The following STXBP5L variants were observed in gnomAD, a reference collection of about 807,000 sequenced individuals.
The protein encoded by STXBP5L is syntaxin binding protein 5L, also known as syntaxin-binding protein 5-like.
In STXBP5L, 65 loss-of-function variants were observed where a neutral mutation model predicts 144.5. The observed-to-expected ratio is 0.45, with a 90% CI of 0.37 to 0.55. STXBP5L has a LOEUF of 0.55. Ranked by LOEUF, STXBP5L falls within the 20% of genes least tolerant of loss-of-function variation. The pLI is 0.00. For missense variants in STXBP5L, 1,298 were observed against 1,405.5 expected (o/e 0.92, Z 1.22); for synonymous variants, 505 against 469.6 (o/e 1.08, Z -0.97).
intron 9 of STXBP5L, among the ~76,000 whole-genome samples, chr3:121,175,375 T>A (rs1200480214): frequency 6.6e-6 from 1 of 152,122 alleles, no homozygotes; most frequent in Non-Finnish European, 1.5e-5. Context: ...GAAAAAAATA[T>A]GTTCATCTCC....
intron 11 of STXBP5L, among the ~76,000 whole-genome samples, chr3:121,226,156 C>A (rs555240563): frequency 6.6e-6 from 1 of 152,300 alleles, no homozygotes; most frequent in East Asian, 1.9e-4. Flanking sequence ...AGGTTGTGAG[C>A]TATCCCAAGG....
intron 20 of STXBP5L, among the ~76,000 whole-genome samples, chr3:121,365,705 A>G (rs913697626): frequency 2.0e-5 from 3 of 147,880 alleles, no homozygotes; most frequent in Non-Finnish European, 3.0e-5. Context: ...AATTTTGTTG[A>G]TTTTCTGAAG....
intron 19 of STXBP5L, among the ~76,000 whole-genome samples, chr3:121,302,280 A>G (rs994933091): frequency 3.3e-5 from 5 of 152,112 alleles, no homozygotes; most frequent in African/African-American, 4.8e-5. Flanking sequence ...AGGAGGGTGT[A>G]TGTGTTGAGG....
At chr3:121,198,576 G>A (rs988104245) in intron 9 of STXBP5L, among the ~76,000 whole-genome samples, 2 of 152,166 alleles carry the variant, frequency 1.3e-5, no homozygotes, top group African/African-American at 4.8e-5. Flanking sequence ...TGTCCTGAAT[G>A]GTATTGCCTA....
At chr3:120,985,009 C>T (rs1942161521) in intron 3 of STXBP5L, among the ~76,000 whole-genome samples, 2 of 151,994 alleles carry the variant, frequency 1.3e-5, no homozygotes, top group African/African-American at 2.4e-5. Context: ...AGGAATAAAT[C>T]CCACTTGGTC....
chr3:121,309,105 C>CATGAG (rs1453433596), intron 19 of STXBP5L, among the ~76,000 whole-genome samples: 1 of 151,618 alleles, frequency 6.6e-6, no homozygotes, highest in Non-Finnish European at 1.5e-5. Flanking sequence ...CAAAAAAAAA[C>CATGAG]ATGAGACAGA....
intron 19 of STXBP5L, among the ~76,000 whole-genome samples, chr3:121,297,000 C>T (rs75598164): frequency 0.016 from 2,364 of 152,094 alleles, 24 homozygotes; most frequent in Middle Eastern, 0.037. Context: ...AAACAGCATC[C>T]CAACTGTGTC....
At chr3:121,071,325 C>T (rs183302246) in intron 5 of STXBP5L, among the ~76,000 whole-genome samples, 1 of 152,342 alleles carries the variant, frequency 6.6e-6, no homozygotes, top group African/African-American at 2.4e-5. Flanking sequence ...CTTCCTTAGG[C>T]TTTGGCCATG....
At chr3:121,004,175 C>T (rs1038584283) in intron 3 of STXBP5L, among the ~76,000 whole-genome samples, 1 of 152,138 alleles carries the variant, frequency 6.6e-6, no homozygotes, top group African/African-American at 2.4e-5. Flanking sequence ...ATTCTTCCTA[C>T]CCATGATCAT....
In STXBP5L at chr3:121,045,457, C is replaced by T. The variant is rs1347085003; in HGVS notation, c.392C>T (p.Ser131Leu). The change falls in exon 5 of 27, where the codon TCA (serine) becomes TTA (leucine). Residue 131 changes from serine (S) to leucine (L), a missense_variant. Transcript: ENST00000471454. ...TAGGGTGCCTTGGTCAGTGCAAGTT[C>T]AGATGATACACTTCATTTGTGGAAC... Reference protein sequence around the residue: ...INEGALVSASSDDTLHLWNLR... With the variant: ...INEGALVSASLDDTLHLWNLR... 1 of 1,612,874 alleles carries T rather than the reference C, an allele frequency of 6.2e-7. No homozygotes were observed. The highest frequency in any genetic ancestry group is 8.5e-7 in the Non-Finnish European group (1 of 1,179,342).
At chr3:121,302,621 T>C (rs1429017513) in intron 19 of STXBP5L, among the ~76,000 whole-genome samples, 11 of 152,150 alleles carry the variant, frequency 7.2e-5, no homozygotes, top group Admixed American at 2.6e-4. Flanking sequence ...CTCTTGTTCT[T>C]TTAATTGTGA....
At chr3:120,944,958 T>C (rs976371615) in intron 2 of STXBP5L, among the ~76,000 whole-genome samples, 1 of 151,886 alleles carries the variant, frequency 6.6e-6, no homozygotes, top group Non-Finnish European at 1.5e-5. Flanking sequence ...TTGGCTGTTA[T>C]TGAAAACAAG....
intron 5 of STXBP5L, among the ~76,000 whole-genome samples, chr3:121,085,067 G>GT (rs1018468340): frequency 1.3e-5 from 2 of 151,882 alleles, no homozygotes; most frequent in Non-Finnish European, 2.9e-5. Context: ...GGGGTTGATG[G>GT]TTTTTTTCTT....
At chr3:121,241,987 G>GT (rs1351696789) in intron 14 of STXBP5L, among the ~76,000 whole-genome samples, 2 of 152,088 alleles carry the variant, frequency 1.3e-5, no homozygotes, top group African/African-American at 2.4e-5. Flanking sequence ...AAAATGAGTA[G>GT]TTTTCAAGTA....
intron 3 of STXBP5L, among the ~76,000 whole-genome samples, chr3:120,982,132 C>G (rs907171202): frequency 1.3e-5 from 2 of 152,138 alleles, no homozygotes; most frequent in Non-Finnish European, 2.9e-5. Flanking sequence ...AGTTCAACCC[C>G]CAAGCTAGTA....
chr3:121,182,005 G>C (rs754950368), intron 9 of STXBP5L, among the ~76,000 whole-genome samples: 1 of 151,270 alleles, frequency 6.6e-6, no homozygotes, highest in East Asian at 1.9e-4. Flanking sequence ...CCTAACACTG[G>C]TGCTCCAAAA....
At chr3:120,908,793 G>C (rs1167916564) in intron 1 of STXBP5L, among the ~76,000 whole-genome samples, 1 of 150,824 alleles carries the variant, frequency 6.6e-6, no homozygotes, top group Admixed American at 6.6e-5. Flanking sequence ...CGGCGGCTGC[G>C]GGCAGAGGTG....
chr3:121,111,593 T>C (rs1054191540), intron 5 of STXBP5L, among the ~76,000 whole-genome samples: 2 of 152,192 alleles, frequency 1.3e-5, no homozygotes, highest in African/African-American at 4.8e-5. Flanking sequence ...GACTGCCTGC[T>C]ACTTTCTCTG....
At chr3:121,313,573 C>G (rs1442847705) in intron 19 of STXBP5L, among the ~76,000 whole-genome samples, 1 of 87,016 alleles carries the variant, frequency 1.1e-5, no homozygotes, top group African/African-American at 4.6e-5. Flanking sequence ...GGGCTGACCC[C>G]CCCACCTCCC....
Sources: allele counts gnomAD v4.1 joint callset (sites outside exome capture counted in the v4.1 genomes callset), GRCh38; gene constraint gnomAD v4.1.1; transcripts MANE v1.5; gene names NCBI Gene and HGNC (gene_info 2026-07-23, HGNC 2026-07-21).